SVOP: variants seen among roughly 807,000 people sequenced by gnomAD.
SVOP encodes synaptic vesicle 2-related protein.
In SVOP, 17 loss-of-function variants were observed where a neutral mutation model predicts 69.1. The observed-to-expected ratio is 0.25, with a 90% confidence interval of 0.17 to 0.37. The LOEUF is 0.37. SVOP is among the 10% of genes least tolerant of loss of function. The pLI is 1.00. For synonymous variants in SVOP, 238 were observed against 238.6 expected, an observed-to-expected ratio of 1.00 and a Z score of 0.02; for missense variants, 435 against 597.5, an observed-to-expected ratio of 0.73 and a Z score of 2.84.
At chr12:108,972,337 G>T (rs2040083812) in intron 5 of SVOP, 68 bp downstream of exon 5, 10 of 1,466,336 alleles carry the variant, frequency 6.8e-6, no homozygotes, top group African/African-American at 1.4e-5. Context: ...GAACGGGTTT[G>T]CTACTTGTCC....
At chr12:108,966,481 C>A (rs997519905) in intron 5 of SVOP, among the ~76,000 whole-genome samples, 3 of 151,904 alleles carry the variant, frequency 2.0e-5, no homozygotes, top group Non-Finnish European at 4.4e-5. Flanking sequence ...CGGCAGGAAT[C>A]TTATAGCTGG....
At chr12:108,931,493 C>T (rs2039818270) in intron 11 of SVOP, among the ~76,000 whole-genome samples, 1 of 152,154 alleles carries the variant, frequency 6.6e-6, no homozygotes, top group Non-Finnish European at 1.5e-5. Context: ...AATGCTTGAG[C>T]TCCACCTGCT....
chr12:108,912,408 C>A lies in SVOP; in HGVS notation c.*127G>T. On this transcript the variant is annotated 3_prime_UTR_variant, in exon 16 of 16. Coordinates refer to ENST00000610966, the MANE Select transcript of SVOP (RefSeq NM_018711.5). ...GCAAACTGAGTCAAGACACAAAACC[C>A]TGTTGGTCCAGGTCATACTCTTGGG... 6.5e-7 allele frequency: 1 copy of A among 1,527,680 alleles called. No individual in the cohort carries two copies. The highest frequency in any genetic ancestry group is 2.3e-5 in the East Asian group (1 of 44,068). 94.6% of individuals were successfully genotyped at this position (1,527,680 alleles called of 1,614,324 possible).
rs540334449 is a variant in SVOP, at chr12:108,916,654, C to T, written c.1351-782G>A. ...CCCTGGATAAGAAAGGCACACGATG[C>T]GAGGAGCCTGGGTTCCCAAATCACT... On this transcript the variant is annotated intron_variant, in intron 14 of 15. Transcript: ENST00000610966. 2.0e-4 allele frequency among the ~76,000 whole-genome samples: 31 copies of T among 152,330 alleles called. 1 individual carries two copies. The South Asian group carries it at 5.8e-3, about 28-fold the overall frequency.
intron 4 of SVOP, 61 bp from the exon 5 acceptor site, chr12:108,972,537 A>C: frequency 6.7e-7 from 1 of 1,496,872 alleles, no homozygotes; most frequent in Non-Finnish European, 9.0e-7. Flanking sequence ...CAGAAAGGGA[A>C]CAACAAACGG....
chr12:108,987,522 T>C (rs146620719), intron 1 of SVOP, among the ~76,000 whole-genome samples: 135,343 of 152,262 alleles, frequency 0.89, 61,280 homozygotes, highest in Non-Finnish European at 0.99. Flanking sequence ...ATTGCCAGAA[T>C]GTCTTCCACA....
chr12:108,947,501 T>C (rs796835907), intron 6 of SVOP, among the ~76,000 whole-genome samples: 3 of 152,220 alleles, frequency 2.0e-5, no homozygotes, highest in African/African-American at 7.2e-5. Flanking sequence ...CCCACTTCCA[T>C]GTTGCAATTC....
intron 1 of SVOP, among the ~76,000 whole-genome samples, chr12:109,009,272 A>T (rs1239545060): frequency 6.6e-6 from 1 of 151,288 alleles, no homozygotes; most frequent in African/African-American, 2.4e-5. Flanking sequence ...TTGTCTTTGT[A>T]ACTTATTTAT....
At chr12:108,994,811 G>T (rs1865147) in intron 1 of SVOP, among the ~76,000 whole-genome samples, 54,478 of 151,994 alleles carry the variant, frequency 0.36, 10,667 homozygotes, top group African/African-American at 0.52. Context: ...TAGGACAGGG[G>T]TGATTAAATG....
At chr12:108,942,294 C>T (rs1411398027) in intron 7 of SVOP, among the ~76,000 whole-genome samples, 1 of 152,198 alleles carries the variant, frequency 6.6e-6, no homozygotes, top group Non-Finnish European at 1.5e-5. Flanking sequence ...GTGAATAACA[C>T]GGCTATAAAC....
In SVOP at chr12:108,938,936, C is replaced by A; in HGVS notation, c.788G>T (p.Arg263Met). Residue 263 changes from arginine (R) to methionine (M), a missense_variant, in exon 9 of 16, where the codon AGG becomes ATG. Coordinates refer to ENST00000610966, the MANE Select transcript of SVOP (RefSeq NM_018711.5). The stretch of plus-strand genomic sequence containing the variant: ...CTGGTTCCCTGACAGCACATCATAC[C>A]TTGCACTTTCAGGCAGCCACTGGGA... ...VLCFWLPESA[R>M]YDVLSGNQEK... 1 of 1,613,962 alleles carries A rather than the reference C, an allele frequency of 6.2e-7. No homozygotes were observed. The highest frequency in any genetic ancestry group is 1.7e-5 in the Admixed American group (1 of 60,022).
intron 2 of SVOP, among the ~76,000 whole-genome samples, chr12:108,981,650 C>T (rs1269554968): frequency 1.3e-5 from 2 of 152,158 alleles, no homozygotes; most frequent in Non-Finnish European, 2.9e-5. Flanking sequence ...CCCTTCTGTG[C>T]TTCAGTTTCC....
intron 4 of SVOP, among the ~76,000 whole-genome samples, chr12:108,975,015 T>C (rs1228877446): frequency 6.6e-6 from 1 of 152,226 alleles, no homozygotes; most frequent in Non-Finnish European, 1.5e-5. Flanking sequence ...TGTAAAAACA[T>C]GTGACAGTCC....
At chr12:108,991,168 G>C (rs1045140932) in intron 1 of SVOP, among the ~76,000 whole-genome samples, 2 of 152,220 alleles carry the variant, frequency 1.3e-5, no homozygotes, top group Admixed American at 1.3e-4. Context: ...GGCATCCCTT[G>C]CAGCTGGAAG....
rs927466572 is a variant in SVOP at position 109,020,814 on chromosome 12, C to T, written c.35+20G>A. 2.0e-6 allele frequency: 1 copy of T among 496,484 alleles called. No individual in the cohort carries two copies. 30.8% of individuals were successfully genotyped at this position (496,484 alleles called of 1,614,324 possible). On this transcript the variant is annotated intron_variant, in intron 1 of 15. Transcript: ENST00000610966. ...TAAAAGAAAGCCTGTCTGCCTCTTG[C>T]TCGCCCCCATGATACTCACGGCAGC...
intron 14 of SVOP, among the ~76,000 whole-genome samples, 182 bp downstream of exon 14, chr12:108,917,861 G>T (rs2039723688): frequency 6.6e-6 from 1 of 151,924 alleles, no homozygotes; most frequent in African/African-American, 2.4e-5. Context: ...GCTCAGGCTG[G>T]TCTCAAACAT....
chr12:108,940,961 G>A, intron 7 of SVOP, 52 bp from the exon 8 acceptor site: 1 of 1,514,730 alleles, frequency 6.6e-7, no homozygotes, highest in Non-Finnish European at 8.8e-7. Flanking sequence ...TCCATACAGA[G>A]AGGAATTATG....
intron 1 of SVOP, among the ~76,000 whole-genome samples, chr12:109,020,272 G>A (rs2040389599): frequency 6.6e-6 from 1 of 152,230 alleles, no homozygotes; most frequent in Non-Finnish European, 1.5e-5. Context: ...TCAGAAGAAG[G>A]CAAGAGGTTT....
chr12:108,988,379 C>A (rs894721572), intron 1 of SVOP, among the ~76,000 whole-genome samples: 2 of 152,068 alleles, frequency 1.3e-5, no homozygotes, highest in African/African-American at 4.8e-5. Context: ...GGTCTTTGAT[C>A]CATTTTGAGT....
Sources: allele counts gnomAD v4.1 joint callset (sites outside exome capture counted in the v4.1 genomes callset), GRCh38; gene constraint gnomAD v4.1.1; transcripts MANE v1.5; gene names NCBI Gene and HGNC (gene_info 2026-07-23, HGNC 2026-07-21).